NRG3: variants seen among roughly 807,000 people sequenced by gnomAD.
The protein encoded by NRG3 is neuregulin 3, also known as pro-neuregulin-3, membrane-bound isoform.
A neutral mutation model predicts 66.9 loss-of-function variants in NRG3; 31 were observed. The ratio of observed to expected loss-of-function variants is 0.46; its 90% CI spans 0.35 to 0.63. The LOEUF (loss-of-function observed/expected upper bound fraction) is 0.63. Ranked by LOEUF, NRG3 falls within the 20% of genes least tolerant of loss-of-function variation. NRG3 has a pLI of 0.00. For missense variants in NRG3, 910 were observed against 878.9 expected (o/e 1.04, Z -0.45); for synonymous variants, 393 against 359.4 (o/e 1.09, Z -1.06).
At position 82,081,638 on chromosome 10, in the gene NRG3, C is replaced by T. The variant is rs75932293; in HGVS notation, c.823+205475C>T. 7.3e-3 allele frequency among the ~76,000 whole-genome samples: 1,113 copies of T among 152,260 alleles called. 10 individuals carry two copies. Among genetic ancestry groups the T allele is most frequent in the Non-Finnish European group, 0.013 (874 of 68,028 alleles). On this transcript the variant is annotated intron_variant, in intron 1 of 8. Transcript: ENST00000372141. The stretch of plus-strand genomic sequence containing the variant: ...TGGGATTTTAATTACATTGTTTCCA[C>T]GTATGATATTCTTTCTAAGAATGTC...
At chr10:82,872,833 A>G (rs184654895) in intron 4 of NRG3, among the ~76,000 whole-genome samples, 33 of 152,186 alleles carry the variant, frequency 2.2e-4, no homozygotes, top group Non-Finnish European at 4.0e-4. Context: ...TGGATAAGCT[A>G]TACTTAGTAA....
rs186786367 is a variant in NRG3 at position 82,657,816 on chromosome 10, A to C, written c.954-80761A>C. On this transcript the variant is annotated intron_variant, in intron 2 of 8. Transcript: ENST00000372141. ...AGACCTTAAAGATACAAACTACTAG[A>C]GTTCGTTCATGAAAAAATAGATAAG... is the stretch of plus-strand genomic sequence containing the variant. Among the ~76,000 whole-genome samples, 299 of 152,140 alleles carry C rather than the reference A, an allele frequency of 2.0e-3. 1 individual carries two copies. The highest frequency in any genetic ancestry group is 2.0e-3 in the Non-Finnish European group (139 of 67,974).
At chr10:82,677,558 C>G (rs1438547590) in intron 2 of NRG3, among the ~76,000 whole-genome samples, 4 of 152,106 alleles carry the variant, frequency 2.6e-5, no homozygotes. Flanking sequence ...TTTTCTCCCT[C>G]TTTCTTTTTT....
chr10:82,355,370 T>A (rs1424364254), intron 1 of NRG3, among the ~76,000 whole-genome samples: 1 of 152,220 alleles, frequency 6.6e-6, no homozygotes, highest in African/African-American at 2.4e-5. Context: ...ACCTTACATT[T>A]TATTTTTGGC....
At chr10:82,723,549 G>T (rs2057423772) in intron 2 of NRG3, among the ~76,000 whole-genome samples, 1 of 151,860 alleles carries the variant, frequency 6.6e-6, no homozygotes, top group Admixed American at 6.6e-5. Context: ...ATGTTGAAAT[G>T]ATAAAACATT....
intron 3 of NRG3, among the ~76,000 whole-genome samples, chr10:82,775,782 AT>A (rs1345274610): frequency 6.6e-6 from 1 of 152,044 alleles, no homozygotes; most frequent in African/African-American, 2.4e-5. Context: ...TCTATTTATT[AT>A]TTTATGTTCA....
chr10:82,767,829 T>C (rs1041727499), intron 3 of NRG3, among the ~76,000 whole-genome samples: 2 of 152,114 alleles, frequency 1.3e-5, no homozygotes, highest in African/African-American at 4.8e-5. Flanking sequence ...AGGATATTAC[T>C]GTTGGTAATA....
At chr10:81,877,924 A>G in intron 1 of NRG3, 1 of 1,537,200 alleles carries the variant, frequency 6.5e-7, no homozygotes, top group Non-Finnish European at 8.7e-7. Flanking sequence ...AAGACCCCAG[A>G]TTTTTGATCT....
chr10:82,295,335 G>A lies in NRG3; in HGVS notation c.824-63404G>A, dbSNP rs944724599. Among the ~76,000 whole-genome samples the A allele has an allele frequency of 2.6e-5, 4 of 152,186 alleles. No homozygotes were observed. The East Asian group carries it at 5.8e-4, about 22-fold the overall frequency. ...CTGTAATAGAATTGGTTGGTTGCCAGCGATAAGCTTCAATATAAGAGTGGC... is the reference window on the plus strand; with the variant it reads ...CTGTAATAGAATTGGTTGGTTGCCAACGATAAGCTTCAATATAAGAGTGGC... On this transcript the variant is annotated intron_variant, in intron 1 of 8. Transcript: ENST00000372141.
At chr10:82,283,353 T>G (rs2079227629) in intron 1 of NRG3, among the ~76,000 whole-genome samples, 4 of 152,180 alleles carry the variant, frequency 2.6e-5, no homozygotes, top group African/African-American at 9.6e-5. Context: ...AGGCTACATT[T>G]TTAAAGAAAA....
At chr10:82,875,038 C>T (rs1227232435) in intron 4 of NRG3, among the ~76,000 whole-genome samples, 1 of 152,110 alleles carries the variant, frequency 6.6e-6, no homozygotes, top group East Asian at 1.9e-4. Flanking sequence ...ATTATAACTG[C>T]CAACAGTATA....
At chr10:82,735,313 A>C (rs2058100643) in intron 2 of NRG3, among the ~76,000 whole-genome samples, 1 of 152,172 alleles carries the variant, frequency 6.6e-6, no homozygotes, top group Non-Finnish European at 1.5e-5. Flanking sequence ...GGGAACATTG[A>C]GATTTTTCAT....
chr10:82,818,759 C>A (rs2061824985), intron 3 of NRG3, among the ~76,000 whole-genome samples: 1 of 152,156 alleles, frequency 6.6e-6, no homozygotes, highest in Admixed American at 6.5e-5. Context: ...GACTTTACAG[C>A]ATCTTCCACT....
chr10:82,848,183 T>G (rs1020081515), intron 3 of NRG3, among the ~76,000 whole-genome samples: 1 of 152,216 alleles, frequency 6.6e-6, no homozygotes, highest in Non-Finnish European at 1.5e-5. Context: ...ATGTCATAGA[T>G]ACAATGAATA....
Position 82,984,713 on chromosome 10 carries a change from T to C in NRG3, c.1584-385T>C, listed in dbSNP as rs140979353. ...TTGATGGAGTGGACTAATGCCATTA[T>C]GGGTGTCCTGTTTGTCACAATGGAA... On this transcript the variant is annotated intron_variant, in intron 8 of 8. Transcript: ENST00000372141. 9.5e-3 allele frequency: 14,105 copies of C among 1,490,942 alleles called. 88 individuals are homozygous for C. The highest frequency in any genetic ancestry group is 0.011 in the Non-Finnish European group (12,109 of 1,093,198). 92.4% of individuals were successfully genotyped at this position (1,490,942 alleles called of 1,614,324 possible).
chr10:82,853,522 A>G (rs2063663164), intron 3 of NRG3, among the ~76,000 whole-genome samples: 1 of 152,004 alleles, frequency 6.6e-6, no homozygotes, highest in Non-Finnish European at 1.5e-5. Context: ...TTGGTTAGGT[A>G]TATTCCTAAG....
At chr10:81,994,448 C>T (rs1465988861) in intron 1 of NRG3, among the ~76,000 whole-genome samples, 5 of 152,122 alleles carry the variant, frequency 3.3e-5, no homozygotes, top group African/African-American at 1.2e-4. Context: ...TAACAAGGTT[C>T]CCAGTTTATC....
intron 1 of NRG3, among the ~76,000 whole-genome samples, chr10:82,246,147 T>C (rs2077234249): frequency 6.6e-6 from 1 of 152,112 alleles, no homozygotes; most frequent in Admixed American, 6.5e-5. Flanking sequence ...TGTAACTACT[T>C]ACTCTGTGGA....
At chr10:82,857,730 A>G (rs1404493731) in intron 3 of NRG3, among the ~76,000 whole-genome samples, 1 of 152,242 alleles carries the variant, frequency 6.6e-6, no homozygotes, top group African/African-American at 2.4e-5. Flanking sequence ...GATTTTTTAC[A>G]TTCCACTTTT....
Sources: allele counts gnomAD v4.1 joint callset (sites outside exome capture counted in the v4.1 genomes callset), GRCh38; gene constraint gnomAD v4.1.1; transcripts MANE v1.5; gene names NCBI Gene and HGNC (gene_info 2026-07-23, HGNC 2026-07-21).